Variants in CCDC62 observed in about 807,000 individuals in gnomAD.
CCDC62 encodes coiled-coil domain-containing protein 62.
A neutral mutation model predicts 80.8 loss-of-function variants in CCDC62; 72 were observed. The ratio of observed to expected loss-of-function variants is 0.89; its 90% CI spans 0.74 to 1.08. The LOEUF (loss-of-function observed/expected upper bound fraction) is 1.08. Among genes scored for constraint, CCDC62 ranks in the 50% least tolerant of loss-of-function variants. The pLI is 0.00. For missense variants in CCDC62, 704 were observed against 809.4 expected, an observed-to-expected ratio of 0.87 and a Z score of 1.58; for synonymous variants, 286 against 296.5, an observed-to-expected ratio of 0.96 and a Z score of 0.36.
At chr12:122,800,164 CTTTTTTTT>C (rs59113229) in intron 8 of CCDC62, among the ~76,000 whole-genome samples, 8 of 104,922 alleles carry the variant, frequency 7.6e-5, no homozygotes, top group South Asian at 3.1e-4. Flanking sequence ...TGCCCGGCTA[CTTTTTTTT>C]TTTTTTTTTT....
chr12:122,814,874 G>A (rs1413264526), intron 11 of CCDC62, among the ~76,000 whole-genome samples: 2 of 151,554 alleles, frequency 1.3e-5, no homozygotes, highest in Admixed American at 6.6e-5. Context: ...AGGCTGGAGT[G>A]CAGTAGCTAT....
intron 10 of CCDC62, among the ~76,000 whole-genome samples, chr12:122,811,817 T>A (rs1470683569): frequency 1.4e-5 from 1 of 71,888 alleles, no homozygotes; most frequent in Non-Finnish European, 2.4e-5. Flanking sequence ...TGAGACTCCA[T>A]CTGCAAAAAA....
intron 5 of CCDC62, 28 bp downstream of exon 5, chr12:122,788,957 C>A (rs749944803): frequency 1.3e-6 from 2 of 1,495,612 alleles, no homozygotes; most frequent in Admixed American, 2.2e-5. Flanking sequence ...ATTTAAGATA[C>A]AAATGTATTA....
At chr12:122,824,235 G>T (rs527723236) in intron 12 of CCDC62, among the ~76,000 whole-genome samples, 74 of 151,990 alleles carry the variant, frequency 4.9e-4, no homozygotes, top group African/African-American at 1.5e-3. Flanking sequence ...GGCCAACATG[G>T]TGAAACCGCG....
chr12:122,805,010 G>C (rs954561182), intron 9 of CCDC62, among the ~76,000 whole-genome samples: 7 of 150,788 alleles, frequency 4.6e-5, no homozygotes, highest in Non-Finnish European at 8.8e-5. Flanking sequence ...TCAACCTCCA[G>C]AGTAGCTGAG....
In CCDC62 at chr12:122,801,370, C is replaced by A; in HGVS notation, c.1224C>A (p.Asn408Lys). The change falls in exon 9 of 13, where the codon AAC becomes AAA. Residue 408 changes from asparagine to lysine, a missense_variant. Transcript: ENST00000253079. ...CCAAAGACTTAGTAGAGAAACACAA[C>A]CTCCCTTGGTCTCTGGGAGGAAAAA... ...IFTKDLVEKHNLPWSLGGKTQ... is the reference protein window; with the variant it reads ...IFTKDLVEKHKLPWSLGGKTQ... 3 of 1,614,180 alleles carry A rather than the reference C, an allele frequency of 1.9e-6. No homozygotes were observed. Among genetic ancestry groups the A allele is most frequent in the Non-Finnish European group, 1.7e-6 (2 of 1,180,024 alleles).
chr12:122,803,718 G>A (rs1306273062), intron 9 of CCDC62, among the ~76,000 whole-genome samples: 1 of 152,160 alleles, frequency 6.6e-6, no homozygotes, highest in Non-Finnish European at 1.5e-5. Context: ...TAAAAAGTCG[G>A]TCATCACGCT....
intron 11 of CCDC62, 100 bp from the exon 12 acceptor site, chr12:122,823,266 T>C (rs546833220): frequency 2.2e-6 from 2 of 892,028 alleles, no homozygotes; most frequent in Admixed American, 3.8e-5. Flanking sequence ...CAGCCTCATC[T>C]AACATCTCTT....
rs1187991449 is a variant in CCDC62, at chr12:122,826,780, ACTAT to A, written c.*402_*405del. On this transcript the variant is annotated 3_prime_UTR_variant, in exon 13 of 13. Coordinates refer to ENST00000253079, the MANE Select transcript of CCDC62 (RefSeq NM_201435.5). Reference sequence around the variant, plus strand: ...ACCCTGCATAGAAAGTGCTGTTTTAACTATCTGATTTTTAAAAAATCTGTGCATA... The same window carrying A: ...ACCCTGCATAGAAAGTGCTGTTTTAACTGATTTTTAAAAAATCTGTGCATA... 4.3e-6 allele frequency: 1 copy of A among 234,014 alleles called. No homozygotes were observed. The highest frequency in any genetic ancestry group is 2.2e-5 in the African/African-American group (1 of 44,472). 14.5% of individuals were successfully genotyped at this position (234,014 alleles called of 1,614,324 possible). A position where few individuals can be genotyped will look rare whatever the true frequency, so the allele number is the denominator to read the frequency against.
intron 11 of CCDC62, among the ~76,000 whole-genome samples, chr12:122,814,330 C>G (rs1042729841): frequency 1.4e-5 from 2 of 147,280 alleles, no homozygotes; most frequent in African/African-American, 2.5e-5. Flanking sequence ...AAGAAAATTT[C>G]AAATATGCAC....
At position 122,813,343 on chromosome 12, in the gene CCDC62, G is replaced by C; in HGVS notation, c.1925G>C (p.Arg642Pro). The C allele has an allele frequency of 1.9e-6, 3 of 1,613,970 alleles. No individual in the cohort carries two copies. The highest frequency in any genetic ancestry group is 2.5e-6 in the Non-Finnish European group (3 of 1,179,970). Reference sequence around the variant, plus strand: ...CTCCAGCGTTTGCTGGCGGAATCTCGTCAGATGGTGACGGACCTGGAGCTG... The same window carrying C: ...CTCCAGCGTTTGCTGGCGGAATCTCCTCAGATGGTGACGGACCTGGAGCTG... ...SKLQRLLAES[R>P]QMVTDLELST... is the part of the protein sequence containing the mutation. The change falls in exon 11 of 13, where the codon CGT (arginine) becomes CCT (proline). Residue 642 changes from arginine (R) to proline (P), a missense_variant. Arg to Pro is a moderately radical substitution (Grantham distance 103). Coordinates refer to ENST00000253079, the MANE Select transcript of CCDC62 (RefSeq NM_201435.5).
chr12:122,804,316 A>G (rs534456177), intron 9 of CCDC62, among the ~76,000 whole-genome samples: 2 of 152,280 alleles, frequency 1.3e-5, no homozygotes, highest in African/African-American at 4.8e-5. Context: ...GTGAAACCCT[A>G]TCTCTACTAA....
chr12:122,804,315 T>C (rs373784337), intron 9 of CCDC62, among the ~76,000 whole-genome samples: 3 of 152,188 alleles, frequency 2.0e-5, no homozygotes, highest in African/African-American at 2.4e-5. Context: ...GGTGAAACCC[T>C]ATCTCTACTA....
At position 122,789,633 on chromosome 12, in the gene CCDC62, A is replaced by G. The variant is rs140860733; in HGVS notation, c.670+704A>G. 1.2e-3 allele frequency among the ~76,000 whole-genome samples: 189 copies of G among 152,202 alleles called. 1 individual carries two copies. The highest frequency in any genetic ancestry group is 4.3e-3 in the African/African-American group (178 of 41,522). ...TGTTTAGTAGAGACAGAGTTTTGCC[A>G]TGTTGGCCAGACTAGTCTGGAACTC... On this transcript the variant is annotated intron_variant, in intron 5 of 12. Transcript: ENST00000253079.
intron 9 of CCDC62, among the ~76,000 whole-genome samples, chr12:122,804,261 CGGATCACCTGAGGTCAGGA>C (rs1350041766): frequency 6.6e-6 from 1 of 152,094 alleles, no homozygotes; most frequent in Non-Finnish European, 1.5e-5. Flanking sequence ...CAAACTCAGG[CGGATCACCTGAGGTCAGGA>C]GGTCGAGACC....
chr12:122,811,526 T>TAA (rs142704099), intron 10 of CCDC62, among the ~76,000 whole-genome samples: 5,858 of 142,076 alleles, frequency 0.041, 241 homozygotes, highest in East Asian at 0.23. Context: ...TAAGTTTTCT[T>TAA]AAAAAAAAAA....
At chr12:122,812,623 AGTCCCAG>A (rs1376317076) in intron 10 of CCDC62, among the ~76,000 whole-genome samples, 1 of 44,066 alleles carries the variant, frequency 2.3e-5, no homozygotes, top group Non-Finnish European at 5.4e-5. Flanking sequence ...GGGTGCCTGT[AGTCCCAG>A]CTACTTGGGA....
intron 11 of CCDC62, among the ~76,000 whole-genome samples, chr12:122,815,469 G>T (rs1383291814): frequency 6.6e-6 from 1 of 150,748 alleles, no homozygotes; most frequent in African/African-American, 2.4e-5. Context: ...TTTTTGAGAC[G>T]GAGTCTCGCT....
At chr12:122,802,453 G>A (rs373320740) in intron 9 of CCDC62, among the ~76,000 whole-genome samples, 11 of 139,582 alleles carry the variant, frequency 7.9e-5, no homozygotes, top group South Asian at 4.5e-4. Flanking sequence ...TAGCTTTGTC[G>A]CCCAGGCTGG....
Sources: allele counts gnomAD v4.1 joint callset (sites outside exome capture counted in the v4.1 genomes callset), GRCh38; gene constraint gnomAD v4.1.1; transcripts MANE v1.5; gene names NCBI Gene and HGNC (gene_info 2026-07-23, HGNC 2026-07-21).